Variants in KPNA3 observed in about 807,000 individuals in gnomAD.
KPNA3 encodes karyopherin subunit alpha 3, also known as importin subunit alpha-4.
In KPNA3, 13 loss-of-function variants were observed where a neutral mutation model predicts 73.8. That is an observed-to-expected ratio of 0.18 (90% CI 0.11 to 0.28). KPNA3 has a LOEUF of 0.28. KPNA3 is among the 10% of genes least tolerant of loss of function. The probability of loss-of-function intolerance (pLI) is 1.00; values close to 1 mark genes in which losing one functional copy is unlikely to be tolerated. For missense variants in KPNA3, 360 were observed against 618.1 expected (o/e 0.58, Z 4.43); for synonymous variants, 186 against 206.9 (o/e 0.90, Z 0.87).
At chr13:49,770,363 A>G (rs2137592915) in intron 1 of KPNA3, among the ~76,000 whole-genome samples, 1 of 151,872 alleles carries the variant, frequency 6.6e-6, no homozygotes, top group Admixed American at 6.6e-5. Context: ...CTTTATAAAG[A>G]CGAGGTCTCA....
At chr13:49,720,468 C>T (rs1427471085) in intron 9 of KPNA3, among the ~76,000 whole-genome samples, 1 of 152,086 alleles carries the variant, frequency 6.6e-6, no homozygotes, top group Non-Finnish European at 1.5e-5. Flanking sequence ...TATAAAGATA[C>T]ACAGTTGGCC....
intron 10 of KPNA3, among the ~76,000 whole-genome samples, chr13:49,714,300 C>CA (rs750135727): frequency 2.7e-5 from 4 of 150,892 alleles, no homozygotes; most frequent in Non-Finnish European, 5.9e-5. Flanking sequence ...AAAAAACAAA[C>CA]AAAAAAACAA....
intron 1 of KPNA3, among the ~76,000 whole-genome samples, chr13:49,758,755 C>T (rs1160521536): frequency 5.3e-5 from 8 of 151,432 alleles, no homozygotes; most frequent in African/African-American, 1.9e-4. Context: ...TATAAATATA[C>T]ACACACACAT....
At chr13:49,729,026 G>T (rs1954437257) in intron 6 of KPNA3, among the ~76,000 whole-genome samples, 1 of 152,112 alleles carries the variant, frequency 6.6e-6, no homozygotes, top group Admixed American at 6.6e-5. Flanking sequence ...TAAATTCCCA[G>T]GACCCTCAGT....
At chr13:49,744,398 T>C (rs1458053183) in intron 2 of KPNA3, among the ~76,000 whole-genome samples, 1 of 152,252 alleles carries the variant, frequency 6.6e-6, no homozygotes. Flanking sequence ...AATTAGCAAG[T>C]ATTTTTATGC....
chr13:49,742,249 A>G (rs777687941), intron 2 of KPNA3, among the ~76,000 whole-genome samples: 3 of 152,184 alleles, frequency 2.0e-5, no homozygotes, highest in Non-Finnish European at 4.4e-5. Context: ...GTGTCAGAGC[A>G]TATCTTTTCA....
intron 10 of KPNA3, among the ~76,000 whole-genome samples, chr13:49,714,091 A>T (rs1055128142): frequency 6.6e-6 from 1 of 152,224 alleles, no homozygotes; most frequent in Non-Finnish European, 1.5e-5. Context: ...ATTAAAGGAA[A>T]ATTCATAGCC....
At chr13:49,756,869 A>G (rs1954716258) in intron 1 of KPNA3, among the ~76,000 whole-genome samples, 1 of 152,238 alleles carries the variant, frequency 6.6e-6, no homozygotes. Flanking sequence ...ATACACATTG[A>G]AAAGAACAGA....
intron 1 of KPNA3, among the ~76,000 whole-genome samples, chr13:49,788,831 C>T (rs916599186): frequency 3.3e-5 from 5 of 151,430 alleles, no homozygotes; most frequent in African/African-American, 1.2e-4. Flanking sequence ...CATCCCCTAC[C>T]CAAGCTCCAA....
intron 2 of KPNA3, among the ~76,000 whole-genome samples, chr13:49,734,435 T>C (rs1463113367): frequency 6.6e-6 from 1 of 152,176 alleles, no homozygotes; most frequent in Non-Finnish European, 1.5e-5. Context: ...GTTCCCAAAC[T>C]TTCTCAGTCC....
At chr13:49,792,393 G>A in intron 1 of KPNA3, 45 bp downstream of exon 1, 13 of 1,439,416 alleles carry the variant, frequency 9.0e-6, no homozygotes, top group Non-Finnish European at 1.2e-5. Flanking sequence ...CCGCGTCGCC[G>A]GGCCGGCGCG....
chr13:49,784,239 A>AT (rs941908153), intron 1 of KPNA3, among the ~76,000 whole-genome samples: 2 of 151,758 alleles, frequency 1.3e-5, no homozygotes, highest in Non-Finnish European at 2.9e-5. Flanking sequence ...ATGTTTAAAA[A>AT]TTTTTTTTTA....
intron 1 of KPNA3, among the ~76,000 whole-genome samples, chr13:49,773,186 GATTA>G (rs1342665881): frequency 6.6e-6 from 1 of 152,194 alleles, no homozygotes; most frequent in African/African-American, 2.4e-5. Flanking sequence ...AAAGAAAGCA[GATTA>G]ATATTTGCCT....
intron 9 of KPNA3, 25 bp downstream of exon 9, chr13:49,721,930 C>T (rs953526047): frequency 7.5e-6 from 11 of 1,461,334 alleles, no homozygotes; most frequent in Non-Finnish European, 1.0e-5. Flanking sequence ...AATATACCAT[C>T]TGGCCTTTAC....
chr13:49,708,145 G>A (rs1320344987), intron 12 of KPNA3, among the ~76,000 whole-genome samples: 4 of 151,960 alleles, frequency 2.6e-5, no homozygotes. Flanking sequence ...ACAGGCGTCT[G>A]CTACCACACC....
intron 9 of KPNA3, among the ~76,000 whole-genome samples, chr13:49,721,585 C>T (rs935502436): frequency 1.3e-5 from 2 of 151,964 alleles, no homozygotes; most frequent in African/African-American, 4.8e-5. Context: ...TTTGGGAGGC[C>T]GAGGCGGGCA....
chr13:49,713,205 A>G (rs1333795555), intron 10 of KPNA3, among the ~76,000 whole-genome samples: 1 of 152,144 alleles, frequency 6.6e-6, no homozygotes, highest in Admixed American at 6.5e-5. Flanking sequence ...TACTTTACAA[A>G]GTTAAATCCC....
chr13:49,706,075 C>T, intron 14 of KPNA3, 23 bp downstream of exon 14: 1 of 1,595,836 alleles, frequency 6.3e-7, no homozygotes, highest in African/African-American at 1.3e-5. Flanking sequence ...ACAATCATGA[C>T]AGTTACAGGT....
At chr13:49,708,598 G>A (rs1378913267) in intron 12 of KPNA3, among the ~76,000 whole-genome samples, 2 of 152,118 alleles carry the variant, frequency 1.3e-5, no homozygotes, top group Non-Finnish European at 2.9e-5. Flanking sequence ...AGCATTCTTC[G>A]TAATAGTGAA....
Sources: gnomAD v4.1 joint callset for allele counts (sites outside exome capture counted in the v4.1 genomes callset) on GRCh38, gnomAD v4.1.1 for gene constraint, MANE v1.5 for transcripts, NCBI Gene and HGNC (gene_info 2026-07-23, HGNC 2026-07-21) for gene names.